ARCN1: variants seen among roughly 807,000 people sequenced by gnomAD.
ARCN1 encodes archain 1 coat protein complex I subunit delta.
In ARCN1, 5 loss-of-function variants were observed where a neutral mutation model predicts 60.4. The ratio of observed to expected loss-of-function variants is 0.08; its 90% CI spans 0.04 to 0.17. ARCN1 has a LOEUF of 0.17. Ranked by LOEUF, ARCN1 falls within the 10% of genes least tolerant of loss-of-function variation. The pLI is 1.00. For missense variants in ARCN1, 464 were observed against 626.5 expected (o/e 0.74, Z 2.77); for synonymous variants, 224 against 220.0 (o/e 1.02, Z -0.16).
At position 118,585,379 on chromosome 11, in the gene ARCN1, G is replaced by A. The variant is rs555917882; in HGVS notation, c.818+735G>A. Among the ~76,000 whole-genome samples the A allele has an allele frequency of 1.2e-3, 189 of 152,228 alleles. 1 individual carries two copies. The highest frequency in any genetic ancestry group is 3.6e-3 in the African/African-American group (148 of 41,536). Reference sequence around the variant, plus strand: ...CTTGTAGTCACACCTGGTATATAGCGTATCTCTTAGAATGCACTTGAATTA... The same window carrying A: ...CTTGTAGTCACACCTGGTATATAGCATATCTCTTAGAATGCACTTGAATTA... On this transcript the variant is annotated intron_variant, in intron 5 of 9. Transcript: ENST00000264028.
At chr11:118,573,133 G>A (rs1938393235) in intron 1 of ARCN1, among the ~76,000 whole-genome samples, 1 of 152,222 alleles carries the variant, frequency 6.6e-6, no homozygotes, top group Admixed American at 6.5e-5. Context: ...AAGTGTCTCT[G>A]AAACCTTCCA....
chr11:118,583,759 A>C, intron 3 of ARCN1, 50 bp from the exon 4 acceptor site: 1 of 1,591,596 alleles, frequency 6.3e-7, no homozygotes, highest in Non-Finnish European at 8.5e-7. Flanking sequence ...ACCCTGTCTC[A>C]ACAAAAACCC....
intron 4 of ARCN1, among the ~76,000 whole-genome samples, chr11:118,584,223 T>C (rs1938726232): frequency 6.6e-6 from 1 of 152,224 alleles, no homozygotes; most frequent in South Asian, 2.1e-4. Context: ...TTATAAATTA[T>C]GTCATGACCT....
At position 118,591,375 on chromosome 11, in the gene ARCN1, G is replaced by A. The variant is rs546364408; in HGVS notation, c.984+869G>A. On this transcript the variant is annotated intron_variant, in intron 6 of 9. Coordinates refer to ENST00000264028, the MANE Select transcript of ARCN1 (RefSeq NM_001655.5). Reference sequence around the variant, plus strand: ...GGCTTGTAAAGTGCTATCCAAAAGTGATTTCTGTTTTGTTTTGTTTTGTTT... The same window carrying A: ...GGCTTGTAAAGTGCTATCCAAAAGTAATTTCTGTTTTGTTTTGTTTTGTTT... Among the ~76,000 whole-genome samples, 12 of 152,214 alleles carry A rather than the reference G, an allele frequency of 7.9e-5. No individual in the cohort carries two copies. In the South Asian group the frequency reaches 2.5e-3, roughly 32 times the overall value.
chr11:118,575,621 T>G (rs1938478205), intron 1 of ARCN1, among the ~76,000 whole-genome samples: 1 of 152,186 alleles, frequency 6.6e-6, no homozygotes, highest in South Asian at 2.1e-4. Context: ...TCCCTGACAA[T>G]TATAGAAACT....
chr11:118,599,999 T>C (rs561818797), intron 9 of ARCN1, among the ~76,000 whole-genome samples: 26 of 152,324 alleles, frequency 1.7e-4, no homozygotes, highest in African/African-American at 6.3e-4. Context: ...TAAATTTTCC[T>C]ATTGGGGCTA....
At chr11:118,581,727 T>C (rs1176734021) in intron 2 of ARCN1, among the ~76,000 whole-genome samples, 4 of 152,170 alleles carry the variant, frequency 2.6e-5, no homozygotes, top group Non-Finnish European at 5.9e-5. Flanking sequence ...ACTGTTTCAT[T>C]TCCCAGTTCT....
intron 6 of ARCN1, among the ~76,000 whole-genome samples, chr11:118,590,853 TA>T (rs1276979807): frequency 6.6e-6 from 1 of 152,124 alleles, no homozygotes; most frequent in Non-Finnish European, 1.5e-5. Context: ...AATACAGTTT[TA>T]AAAAAACAAG....
At chr11:118,583,756 C>G in intron 3 of ARCN1, 53 bp from the exon 4 acceptor site, 1 of 1,582,902 alleles carries the variant, frequency 6.3e-7, no homozygotes, top group Non-Finnish European at 8.6e-7. Flanking sequence ...GAGACCCTGT[C>G]TCAACAAAAA....
intron 5 of ARCN1, among the ~76,000 whole-genome samples, chr11:118,589,613 G>A (rs910513665): frequency 6.6e-6 from 1 of 152,056 alleles, no homozygotes; most frequent in Non-Finnish European, 1.5e-5. Context: ...AGTAGAGGTG[G>A]GGTTTCACCA....
chr11:118,573,854 G>A (rs944390475), intron 1 of ARCN1: 8 of 514,270 alleles, frequency 1.6e-5, no homozygotes, highest in Non-Finnish European at 2.8e-5. Context: ...CCAGAAACTT[G>A]TATTTTCAGT....
At chr11:118,579,941 T>G (rs1341913885) in intron 1 of ARCN1, among the ~76,000 whole-genome samples, 1 of 152,196 alleles carries the variant, frequency 6.6e-6, no homozygotes, top group African/African-American at 2.4e-5. Flanking sequence ...TTGGGAAATT[T>G]TATCCCAAGT....
At position 118,592,792 on chromosome 11, in the gene ARCN1, C is replaced by T; in HGVS notation, c.1068C>T (p.Asn356=). 2 of 1,614,068 alleles carry T rather than the reference C, an allele frequency of 1.2e-6. No homozygotes were observed. Among genetic ancestry groups the T allele is most frequent in the Non-Finnish European group, 1.7e-6 (2 of 1,179,972 alleles). ...ATCCAGAGAAGTCATTTCCAGTCAA[C>T]AGTGACGTAGGGGTGCTAAAGTGGA... is the stretch of plus-strand genomic sequence containing the variant. ...LKNPEKSFPV[N]SDVGVLKWRL... The change falls in exon 7 of 10, where the codon AAC becomes AAT. Residue 356 remains asparagine, a synonymous_variant. Coordinates refer to ENST00000264028, the MANE Select transcript of ARCN1 (RefSeq NM_001655.5).
chr11:118,594,839 C>A (rs553036222), intron 8 of ARCN1, among the ~76,000 whole-genome samples: 6 of 150,654 alleles, frequency 4.0e-5, no homozygotes, highest in African/African-American at 1.5e-4. Context: ...CGTGAGCCAC[C>A]GCACCTGGCT....
chr11:118,593,391 C>CTT (rs57568260), intron 7 of ARCN1, among the ~76,000 whole-genome samples, 199 bp from the exon 8 acceptor site: 16,587 of 120,832 alleles, frequency 0.14, 1,574 homozygotes, highest in East Asian at 0.47. Context: ...CCACGCCTGG[C>CTT]TTTTTTTTTT....
intron 1 of ARCN1, among the ~76,000 whole-genome samples, chr11:118,577,556 T>C (rs994722594): frequency 6.6e-6 from 1 of 152,184 alleles, no homozygotes; most frequent in Non-Finnish European, 1.5e-5. Flanking sequence ...AAATGCTGTT[T>C]CTTCTATCAA....
In ARCN1 at chr11:118,602,331, A is replaced by G. The variant is rs1435386415; in HGVS notation, c.*1617A>G. 6.5e-6 allele frequency: 1 copy of G among 153,858 alleles called. No homozygotes were observed. Among genetic ancestry groups the G allele is most frequent in the Non-Finnish European group, 1.5e-5 (1 of 68,192 alleles). The allele number at this position is 153,858 out of a possible 1,614,324, so 9.5% of individuals were successfully genotyped here. Reference sequence around the variant, plus strand: ...ATCCATTTCCTTTTCAATGGAGACTACAGCGTCAGCCAGCTCAGCCTTGGC... The same window carrying G: ...ATCCATTTCCTTTTCAATGGAGACTGCAGCGTCAGCCAGCTCAGCCTTGGC... On this transcript the variant is annotated 3_prime_UTR_variant, in exon 10 of 10. Transcript: ENST00000264028.
At chr11:118,598,359 T>C (rs1002167974) in intron 9 of ARCN1, among the ~76,000 whole-genome samples, 2 of 152,100 alleles carry the variant, frequency 1.3e-5, no homozygotes, top group Admixed American at 1.3e-4. Flanking sequence ...CTATTACAAA[T>C]GGAAATTATT....
rs545241127 is a variant in ARCN1 at position 118,588,325 on chromosome 11, A to G, written c.819-2016A>G. ...TTGGAGATCCTGCCTTGGGCTGGTG[A>G]AAGGAGGGCAGGAGAAGGTCAAAGA... On this transcript the variant is annotated intron_variant, in intron 5 of 9. Coordinates refer to ENST00000264028, the MANE Select transcript of ARCN1 (RefSeq NM_001655.5). Among the ~76,000 whole-genome samples, 5 of 152,284 alleles carry G rather than the reference A, an allele frequency of 3.3e-5. No homozygotes were observed. The South Asian group carries it at 1.0e-3, about 32-fold the overall frequency.
Sources: allele counts gnomAD v4.1 joint callset (sites outside exome capture counted in the v4.1 genomes callset), GRCh38; gene constraint gnomAD v4.1.1; transcripts MANE v1.5; gene names NCBI Gene and HGNC (gene_info 2026-07-23, HGNC 2026-07-21).